The following ACADSB variants were observed in gnomAD, a reference collection of about 807,000 sequenced individuals.
ACADSB encodes the protein short/branched chain specific acyl-CoA dehydrogenase, mitochondrial.
A neutral mutation model predicts 54.1 loss-of-function variants in ACADSB; 40 were observed. The observed-to-expected ratio is 0.74, with a 90% CI of 0.57 to 0.96. The LOEUF is 0.96. ACADSB is among the 40% of genes least tolerant of loss of function. The probability of loss-of-function intolerance (pLI) is 0.00; values close to 1 mark genes in which losing one functional copy is unlikely to be tolerated. For synonymous variants in ACADSB, 182 were observed against 182.8 expected, an observed-to-expected ratio of 1.00 and a Z score of 0.03; for missense variants, 530 against 510.4, an observed-to-expected ratio of 1.04 and a Z score of -0.37.
intron 1 of ACADSB, among the ~76,000 whole-genome samples, chr10:123,019,813 A>T (rs1459929453): frequency 6.6e-6 from 1 of 152,250 alleles, no homozygotes; most frequent in Non-Finnish European, 1.5e-5. Context: ...CAACAGCATA[A>T]GGATCCCTTG....
chr10:123,027,059 T>G (rs906933247), intron 1 of ACADSB, among the ~76,000 whole-genome samples: 2 of 152,132 alleles, frequency 1.3e-5, no homozygotes, highest in Admixed American at 6.5e-5. Context: ...TCTAATAAGT[T>G]CAAGATTATT....
intron 8 of ACADSB, among the ~76,000 whole-genome samples, chr10:123,050,736 G>T (rs1206570892): frequency 7.3e-6 from 1 of 137,570 alleles, no homozygotes; most frequent in African/African-American, 2.7e-5. Flanking sequence ...TCAAAAGAGA[G>T]TTGAAATAAT....
Position 123,043,108 on chromosome 10 carries a change from AC to A in ACADSB, c.746del (p.Pro249LeufsTer15), listed in dbSNP as rs779015128. ...RDTPGLHIGK[P>X]ENKLGLRASS... is the part of the protein sequence containing the mutation. The stretch of plus-strand genomic sequence containing the variant: ...ATACTCCGGGCCTTCATATAGGGAA[AC>A]CTGAAAACAAATTGGGGCTCAGAGC... On this transcript the variant is annotated frameshift_variant, in exon 6 of 11. Transcript: ENST00000358776. LOFTEE classifies it high-confidence loss of function. The A allele has an allele frequency of 1.7e-5, 28 of 1,614,014 alleles. 1 individual carries two copies. In the East Asian group the frequency reaches 5.8e-4, roughly 33 times the overall value.
chr10:123,031,628 CATAGTATTA>C (rs1413093848), intron 1 of ACADSB, among the ~76,000 whole-genome samples: 2 of 152,136 alleles, frequency 1.3e-5, no homozygotes, highest in African/African-American at 2.4e-5. Context: ...TAAAGACTGT[CATAGTATTA>C]ATAAATGGAA....
rs1282237168 is a variant in ACADSB at position 123,055,394 on chromosome 10, C to G, written c.*1629C>G. The G allele has an allele frequency of 2.0e-5, 3 of 153,510 alleles. No homozygotes were observed. The highest frequency in any genetic ancestry group is 7.2e-5 in the African/African-American group (3 of 41,412). The allele number at this position is 153,510 out of a possible 1,614,324, so 9.5% of individuals were successfully genotyped here. On this transcript the variant is annotated 3_prime_UTR_variant, in exon 11 of 11. Transcript: ENST00000358776. ...AGACTGGCCCCCATGATTCAATTACCTCCCCCGGGTCCCTCCCACAACACA... is the reference window on the plus strand; with the variant it reads ...AGACTGGCCCCCATGATTCAATTACGTCCCCCGGGTCCCTCCCACAACACA...
chr10:123,038,816 A>G (rs1850433984), intron 3 of ACADSB, among the ~76,000 whole-genome samples: 1 of 152,198 alleles, frequency 6.6e-6, no homozygotes, highest in Non-Finnish European at 1.5e-5. Context: ...CTTATGTGGA[A>G]CCATAGTGGT....
intron 2 of ACADSB, among the ~76,000 whole-genome samples, chr10:123,036,607 T>G (rs2133476596): frequency 6.6e-6 from 1 of 152,332 alleles, no homozygotes; most frequent in African/African-American, 2.4e-5. Context: ...AAATCACTGC[T>G]TTTAAGGAAC....
chr10:123,021,653 C>T (rs1056755925), intron 1 of ACADSB, among the ~76,000 whole-genome samples: 3 of 152,110 alleles, frequency 2.0e-5, no homozygotes, highest in South Asian at 2.1e-4. Context: ...ATAGACAAAA[C>T]GTGCAGTAGT....
rs1140593 is a variant in ACADSB at position 123,054,310 on chromosome 10, G to A, written c.*545G>A. 0.23 allele frequency: 35,758 copies of A among 155,182 alleles called. 4,263 individuals carry two copies. Among genetic ancestry groups the A allele is most frequent in the South Asian group, 0.31 (1,581 of 5,084 alleles). 9.6% of individuals were successfully genotyped at this position (155,182 alleles called of 1,614,324 possible). A position where few individuals can be genotyped will look rare whatever the true frequency, so the allele number is the denominator to read the frequency against. ...GCTGGGATTACAGGGATGAGCCACC[G>A]TGCCTGGCTGGGTATTTATATTATC... On this transcript the variant is annotated 3_prime_UTR_variant, in exon 11 of 11. Coordinates refer to ENST00000358776, the MANE Select transcript of ACADSB (RefSeq NM_001609.4).
intron 1 of ACADSB, among the ~76,000 whole-genome samples, chr10:123,014,474 G>T (rs976965008): frequency 6.6e-6 from 1 of 152,158 alleles, no homozygotes; most frequent in South Asian, 2.1e-4. Context: ...TGCTGGGATT[G>T]CAGGCATGAG....
At chr10:123,014,159 C>T (rs1448352814) in intron 1 of ACADSB, among the ~76,000 whole-genome samples, 2 of 152,142 alleles carry the variant, frequency 1.3e-5, no homozygotes, top group Non-Finnish European at 2.9e-5. Flanking sequence ...CTCTCTTTCT[C>T]TCCCCTCATT....
chr10:123,053,898 C>T lies in ACADSB; in HGVS notation c.*133C>T, dbSNP rs58589087. ...CGAATATTTTAATGAAGCCCTTAGT[C>T]AGGGTCCTGGTGTTGGCCTTTTTGG... On this transcript the variant is annotated 3_prime_UTR_variant, in exon 11 of 11. Transcript: ENST00000358776. 1 of 867,718 alleles carries T rather than the reference C, an allele frequency of 1.2e-6. No homozygotes were observed. Among genetic ancestry groups the T allele is most frequent in the South Asian group, 1.4e-5 (1 of 71,532 alleles). 53.8% of individuals were successfully genotyped at this position (867,718 alleles called of 1,614,324 possible).
rs905475017 is a variant in ACADSB at position 123,053,236 on chromosome 10, G to T, written c.1228+76G>T. 9.7e-6 allele frequency: 12 copies of T among 1,234,030 alleles called. No homozygotes were observed. In the African/African-American group the frequency reaches 1.4e-4, roughly 14 times the overall value. 76.4% of individuals were successfully genotyped at this position (1,234,030 alleles called of 1,614,324 possible). ...AGGTATTTTGGCTGTTTTATTTGTC[G>T]TTTTTTTCCTAGGTAAAAGCAATTT... On this transcript the variant is annotated intron_variant, in intron 10 of 10. Transcript: ENST00000358776.
chr10:123,017,625 T>C (rs552933898), intron 1 of ACADSB, among the ~76,000 whole-genome samples: 8 of 152,314 alleles, frequency 5.3e-5, no homozygotes, highest in African/African-American at 1.7e-4. Flanking sequence ...GTGGACACAG[T>C]TTCTAATGGC....
chr10:123,042,863 G>A (rs886724000), intron 5 of ACADSB, among the ~76,000 whole-genome samples, 183 bp from the exon 6 acceptor site: 2 of 152,056 alleles, frequency 1.3e-5, no homozygotes. Context: ...CAAATGGTAA[G>A]GTTCTATAGT....
chr10:123,038,746 G>A (rs924039098), intron 3 of ACADSB, among the ~76,000 whole-genome samples: 6 of 152,226 alleles, frequency 3.9e-5, no homozygotes, highest in South Asian at 2.1e-4. Flanking sequence ...TTTTTATACC[G>A]TGTGTAGTAG....
chr10:123,013,792 C>T (rs1487176433), intron 1 of ACADSB, among the ~76,000 whole-genome samples: 2 of 152,234 alleles, frequency 1.3e-5, no homozygotes, highest in Non-Finnish European at 2.9e-5. Flanking sequence ...CTGCCGGCCG[C>T]TCCGAGTGCA....
intron 8 of ACADSB, 82 bp downstream of exon 8, chr10:123,047,380 G>C: frequency 9.9e-7 from 1 of 1,010,550 alleles, no homozygotes; most frequent in Non-Finnish European, 1.6e-6. Context: ...AATCCATGGA[G>C]GGAATCCCTT....
intron 2 of ACADSB, 72 bp from the exon 3 acceptor site, chr10:123,037,675 A>G: frequency 1.9e-6 from 2 of 1,071,132 alleles, no homozygotes; most frequent in East Asian, 4.8e-5. Flanking sequence ...TTAAAATGTA[A>G]AATTTTGTCA....
Sources: gnomAD v4.1 joint callset for allele counts (sites outside exome capture counted in the v4.1 genomes callset) on GRCh38, gnomAD v4.1.1 for gene constraint, MANE v1.5 for transcripts, NCBI Gene and HGNC (gene_info 2026-07-23, HGNC 2026-07-21) for gene names.